The following ADAMTS6 variants were observed in gnomAD, a reference collection of about 807,000 sequenced individuals.
ADAMTS6 encodes the protein ADAM metallopeptidase with thrombospondin type 1 motif 6, also known as A disintegrin and metalloproteinase with thrombospondin motifs 6.
Under a neutral mutation model 144.3 loss-of-function variants are expected in ADAMTS6, and 23 were observed. That is an observed-to-expected ratio of 0.16 (90% CI 0.11 to 0.23). ADAMTS6 has a LOEUF of 0.23. Among genes scored for constraint, ADAMTS6 ranks in the 10% least tolerant of loss-of-function variants. ADAMTS6 has a pLI of 1.00. For synonymous variants in ADAMTS6, 444 were observed against 457.5 expected (o/e 0.97, Z 0.38); for missense variants, 999 against 1,379.6 (o/e 0.72, Z 4.37).
At chr5:65,161,282 C>G (rs1752759947) in intron 24 of ADAMTS6, among the ~76,000 whole-genome samples, 1 of 152,070 alleles carries the variant, frequency 6.6e-6, no homozygotes, top group African/African-American at 2.4e-5. Context: ...AAGCAATCCT[C>G]TCCCCTTGGC....
chr5:65,173,465 G>A (rs770990556), intron 22 of ADAMTS6, among the ~76,000 whole-genome samples: 8 of 152,128 alleles, frequency 5.3e-5, no homozygotes, highest in Non-Finnish European at 8.8e-5. Flanking sequence ...TTCTTATGTC[G>A]GGTCGCTAAG....
At chr5:65,193,181 C>T (rs1755120402) in intron 21 of ADAMTS6, among the ~76,000 whole-genome samples, 1 of 151,532 alleles carries the variant, frequency 6.6e-6, no homozygotes, top group Non-Finnish European at 1.5e-5. Flanking sequence ...AACAGTGTAC[C>T]AATGAAGAAA....
Position 65,219,274 on chromosome 5 carries a change from A to G in ADAMTS6, c.2273-3787T>C, listed in dbSNP as rs574222805. Among the ~76,000 whole-genome samples the G allele has an allele frequency of 5.9e-5, 9 of 152,318 alleles. No homozygotes were observed. In the East Asian group the frequency reaches 1.4e-3, roughly 23 times the overall value. On this transcript the variant is annotated intron_variant, in intron 18 of 24. Transcript: ENST00000381055. ...TATTACCTATGTCTGCTTTCACACT[A>G]CAATGGTAGAAGTGAATAGTTGTAA...
chr5:65,305,591 T>TC (rs1743864561), intron 9 of ADAMTS6, among the ~76,000 whole-genome samples: 1 of 156 alleles, frequency 6.4e-3, no homozygotes. Flanking sequence ...CAAAGGAGTG[T>TC]TGGCAAACCT....
intron 18 of ADAMTS6, among the ~76,000 whole-genome samples, chr5:65,221,078 G>T (rs1757293912): frequency 6.6e-6 from 1 of 151,966 alleles, no homozygotes; most frequent in Non-Finnish European, 1.5e-5. Flanking sequence ...ATTCTATCAA[G>T]CATTAAGAAA....
At chr5:65,305,686 AC>A (rs1331692697) in intron 9 of ADAMTS6, among the ~76,000 whole-genome samples, 1 of 152,186 alleles carries the variant, frequency 6.6e-6, no homozygotes, top group Admixed American at 6.6e-5. Flanking sequence ...ATTTCAGATT[AC>A]CTTGAGTTAA....
At chr5:65,314,631 A>G (rs752127490) in intron 9 of ADAMTS6, among the ~76,000 whole-genome samples, 1 of 152,194 alleles carries the variant, frequency 6.6e-6, no homozygotes, top group African/African-American at 2.4e-5. Context: ...AAAGACACAG[A>G]GAAAATCTTG....
In ADAMTS6 at chr5:65,460,048, G is replaced by T. The variant is rs1194390446; in HGVS notation, c.631+122C>A. 2.2e-5 allele frequency: 24 copies of T among 1,081,834 alleles called. 1 individual carries two copies. In the South Asian group the frequency reaches 4.8e-4, roughly 22 times the overall value. 67.0% of individuals were successfully genotyped at this position (1,081,834 alleles called of 1,614,324 possible). ...GGTGACATCTATTAAAAGGGCTCTG[G>T]ACATTATAATTGTAGTCAAACTCCT... On this transcript the variant is annotated intron_variant, in intron 4 of 24. Coordinates refer to ENST00000381055, the MANE Select transcript of ADAMTS6 (RefSeq NM_197941.4).
chr5:65,242,089 CA>C lies in ADAMTS6; in HGVS notation c.1933+14del. The C allele has an allele frequency of 6.6e-7, 1 of 1,526,484 alleles. No homozygotes were observed. The highest frequency in any genetic ancestry group is 1.3e-5 in the South Asian group (1 of 79,372). 94.6% of individuals were successfully genotyped at this position (1,526,484 alleles called of 1,614,324 possible). ...AAGTGCTCAAGCATGAATGCTCTGT[CA>C]GGTTATACATTACCTCCAGTATAGG... On this transcript the variant is annotated intron_variant, in intron 15 of 24. Transcript: ENST00000381055.
intron 24 of ADAMTS6, among the ~76,000 whole-genome samples, chr5:65,155,841 G>A (rs1173315530): frequency 6.6e-6 from 1 of 152,106 alleles, no homozygotes; most frequent in Non-Finnish European, 1.5e-5. Flanking sequence ...GTCAGGTTTC[G>A]TTTCTTTAAG....
At chr5:65,390,311 C>G (rs753108032) in intron 7 of ADAMTS6, among the ~76,000 whole-genome samples, 1 of 152,056 alleles carries the variant, frequency 6.6e-6, no homozygotes. Flanking sequence ...ATAAGAGGAA[C>G]TTTATCATCC....
intron 2 of ADAMTS6, among the ~76,000 whole-genome samples, chr5:65,472,221 C>T (rs916744725): frequency 2.6e-5 from 4 of 151,512 alleles, no homozygotes; most frequent in Admixed American, 2.0e-4. Context: ...ATGAAATATC[C>T]AGAATAGGGA....
Position 65,151,945 on chromosome 5 carries a change from T to C in ADAMTS6, c.3245A>G (p.Glu1082Gly). The change falls in exon 25 of 25, where the codon GAG (glutamate) becomes GGG (glycine). Residue 1082 changes from glutamate to glycine, a missense_variant and splice_region_variant. Glu to Gly is a moderately conservative substitution (Grantham distance 98, BLOSUM62 -2). Coordinates refer to ENST00000381055, the MANE Select transcript of ADAMTS6 (RefSeq NM_197941.4). Reference sequence around the variant, plus strand: ...AGCCACTTTATTCACATCTTTGCACTCTAACGAATGGGGGCAGAAAATGGA... The same window carrying C: ...AGCCACTTTATTCACATCTTTGCACCCTAACGAATGGGGGCAGAAAATGGA... Reference protein sequence around the residue: ...CDSTPISNTEECKDVNKVAYC... With the variant: ...CDSTPISNTEGCKDVNKVAYC... 6.2e-7 allele frequency: 1 copy of C among 1,610,288 alleles called. No individual in the cohort carries two copies. Among genetic ancestry groups the C allele is most frequent in the Non-Finnish European group, 8.5e-7 (1 of 1,176,956 alleles).
At chr5:65,457,763 T>C (rs1409246110) in intron 4 of ADAMTS6, among the ~76,000 whole-genome samples, 1 of 147,402 alleles carries the variant, frequency 6.8e-6, no homozygotes, top group Middle Eastern at 3.3e-3. Flanking sequence ...TTTTTTTTTT[T>C]TTGAGAAGGA....
At chr5:65,306,522 G>GA (rs1743954571) in intron 9 of ADAMTS6, among the ~76,000 whole-genome samples, 1 of 152,198 alleles carries the variant, frequency 6.6e-6, no homozygotes, top group African/African-American at 2.4e-5. Flanking sequence ...GCTTTGATCT[G>GA]AAAATGCCTC....
intron 24 of ADAMTS6, among the ~76,000 whole-genome samples, chr5:65,167,282 G>C (rs1048383073): frequency 6.6e-6 from 1 of 152,070 alleles, no homozygotes; most frequent in Non-Finnish European, 1.5e-5. Flanking sequence ...AGAAAATCTA[G>C]AAGAAATGGA....
At chr5:65,468,315 A>T (rs1760178928) in intron 3 of ADAMTS6, among the ~76,000 whole-genome samples, 3 of 152,192 alleles carry the variant, frequency 2.0e-5, no homozygotes, top group Non-Finnish European at 4.4e-5. Context: ...AGAATTTTTT[A>T]AAAAACACTT....
chr5:65,288,276 GGTA>G (rs2112740286), intron 11 of ADAMTS6, among the ~76,000 whole-genome samples: 1 of 151,340 alleles, frequency 6.6e-6, no homozygotes, highest in African/African-American at 2.4e-5. Context: ...TAGATCCTTC[GGTA>G]GTTCTTTTTT....
chr5:65,458,109 T>C (rs1016014813), intron 4 of ADAMTS6, among the ~76,000 whole-genome samples: 5 of 152,198 alleles, frequency 3.3e-5, no homozygotes, highest in African/African-American at 1.2e-4. Context: ...ATTTCCATAA[T>C]GGTTCATTTC....
Sources: gnomAD v4.1 joint callset for allele counts (sites outside exome capture counted in the v4.1 genomes callset) on GRCh38, gnomAD v4.1.1 for gene constraint, MANE v1.5 for transcripts, NCBI Gene and HGNC (gene_info 2026-07-23, HGNC 2026-07-21) for gene names.